The following TRPM4 variants were observed in gnomAD, a reference collection of about 807,000 sequenced individuals.
TRPM4 encodes the protein transient receptor potential cation channel subfamily M member 4.
TRPM4 carries 124 observed loss-of-function variants against 135.6 expected under a neutral mutation model. The ratio of observed to expected loss-of-function variants is 0.91; its 90% CI spans 0.79 to 1.06. TRPM4 has a LOEUF of 1.06. TRPM4 is among the 50% of genes least tolerant of loss of function. The probability of loss-of-function intolerance (pLI) is 0.00; values close to 1 mark genes in which losing one functional copy is unlikely to be tolerated. For missense variants in TRPM4, 1,658 were observed against 1,671.4 expected (o/e 0.99, Z 0.14); for synonymous variants, 745 against 705.6 (o/e 1.06, Z -0.88).
At chr19:49,173,067 T>G (rs1165596889) in intron 9 of TRPM4, among the ~76,000 whole-genome samples, 1 of 137,248 alleles carries the variant, frequency 7.3e-6, no homozygotes, top group Non-Finnish European at 1.6e-5. Context: ...CATCCACACA[T>G]CCACTGACAA....
chr19:49,210,545 G>A lies in TRPM4; in HGVS notation c.3328+140G>A. 7.1e-7 allele frequency: 1 copy of A among 1,417,156 alleles called. No individual in the cohort carries two copies. Among genetic ancestry groups the A allele is most frequent in the South Asian group, 1.2e-5 (1 of 83,680 alleles). The allele number at this position is 1,417,156 out of a possible 1,614,324, so 87.8% of individuals were successfully genotyped here. On this transcript the variant is annotated intron_variant, in intron 21 of 24. Transcript: ENST00000252826. This position sits in a 1 kb window ranked among gnomAD's most constrained non-coding sequence, Gnocchi z 4.1. ...CGGGGTTTAAGCAACAAGGGGCGGA[G>A]CTTAAGCACTGAGGGGCAGTGCTTA...
At chr19:49,195,041 C>T (rs971076125) in intron 16 of TRPM4, among the ~76,000 whole-genome samples, 5 of 151,704 alleles carry the variant, frequency 3.3e-5, no homozygotes, top group African/African-American at 1.2e-4. Flanking sequence ...GGATTTCAGG[C>T]TTGAGCTACC....
intron 20 of TRPM4, among the ~76,000 whole-genome samples, chr19:49,203,363 T>G (rs527305927): frequency 6.6e-6 from 1 of 151,608 alleles, no homozygotes; most frequent in South Asian, 2.1e-4. Flanking sequence ...GTATTTTTAG[T>G]AGAGATGGGG....
chr19:49,195,752 T>C (rs73048891), intron 16 of TRPM4, among the ~76,000 whole-genome samples: 11,186 of 150,922 alleles, frequency 0.074, 511 homozygotes, highest in East Asian at 0.17. Context: ...GGCATGTTCA[T>C]GGCTGACTGC....
intron 19 of TRPM4, 23 bp downstream of exon 19, chr19:49,200,808 A>T: frequency 4.3e-6 from 7 of 1,612,888 alleles, no homozygotes; most frequent in Non-Finnish European, 5.9e-6. Context: ...ACGGCCTGAC[A>T]GCCTTCCTCT....
chr19:49,182,126 AT>A (rs1568470371), intron 10 of TRPM4, among the ~76,000 whole-genome samples: 38 of 141,624 alleles, frequency 2.7e-4, no homozygotes, highest in East Asian at 6.3e-4. Context: ...CCATCCATCC[AT>A]CTGTCCATTC....
intron 10 of TRPM4, 98 bp from the exon 11 acceptor site, chr19:49,182,467 TCCATCCATCCATC>T: frequency 2.4e-6 from 1 of 415,894 alleles, no homozygotes; most frequent in Admixed American, 3.1e-5. Flanking sequence ...CATCCATCCA[TCCATCCATCCATC>T]CATCCATCCA....
rs114071963 is a variant in TRPM4, at chr19:49,203,614, T to A, written c.3131+1473T>A. On this transcript the variant is annotated intron_variant, in intron 20 of 24. Transcript: ENST00000252826. The stretch of plus-strand genomic sequence containing the variant: ...AAGTGTGTCCCCATGAAACAGCAAC[T>A]CCCCACTTCCCCTCCCCACAGGTCT... Among the ~76,000 whole-genome samples, 1,013 of 152,266 alleles carry A rather than the reference T, an allele frequency of 6.7e-3. 14 individuals carry two copies. Among genetic ancestry groups the A allele is most frequent in the African/African-American group, 0.023 (965 of 41,556 alleles).
At chr19:49,190,403 C>G in intron 15 of TRPM4, 83 bp downstream of exon 15, 1 of 1,211,266 alleles carries the variant, frequency 8.3e-7, no homozygotes, top group Non-Finnish European at 1.2e-6. Context: ...CACCTTTCTT[C>G]CCTCATCGGC....
rs748307155 is a variant in TRPM4, at chr19:49,196,518, CG to C, written c.2295del (p.Arg766AlafsTer15). On this transcript the variant is annotated frameshift_variant, in exon 17 of 25. Transcript: ENST00000252826. LOFTEE classifies it high-confidence loss of function. Reference protein sequence around the residue: ...GRPGCCGGRCGGRRCLRRWFH... With the variant: ...GRPGCCGGRCXGRRCLRRWFH... The stretch of plus-strand genomic sequence containing the variant: ...GTCCGGGTTGCTGCGGGGGCCGCTG[CG>C]GGGGGCGCCGGTGCCTACGCCGCTG... 1.3e-6 allele frequency: 2 copies of C among 1,550,584 alleles called. No individual in the cohort carries two copies.
rs563254528 is a variant in TRPM4, at chr19:49,189,749, A to G, written c.2020-459A>G. On this transcript the variant is annotated intron_variant, in intron 14 of 24. Transcript: ENST00000252826. ...AGTACAGGAAGTTGTGCCCAACAGG[A>G]AGTCCCATCCTCATCTGTTGGAATG... 9.2e-4 allele frequency among the ~76,000 whole-genome samples: 140 copies of G among 152,278 alleles called. 2 individuals are homozygous for G. In the South Asian group the frequency reaches 0.028, roughly 30 times the overall value.
intron 9 of TRPM4, among the ~76,000 whole-genome samples, chr19:49,174,144 TTG>T (rs148469205): frequency 4.0e-5 from 6 of 149,486 alleles, no homozygotes; most frequent in Non-Finnish European, 6.0e-5. Flanking sequence ...CAAGGAAAAG[TTG>T]TGTGTGTGTG....
At chr19:49,162,642 C>T (rs914236944) in intron 2 of TRPM4, among the ~76,000 whole-genome samples, 1 of 151,982 alleles carries the variant, frequency 6.6e-6, no homozygotes, top group African/African-American at 2.4e-5. Context: ...GAAGGAATGG[C>T]TCCTAGCACT....
At position 49,171,019 on chromosome 19, in the gene TRPM4, A is replaced by G; in HGVS notation, c.797-338A>G. On this transcript the variant is annotated intron_variant, in intron 6 of 24. Coordinates refer to ENST00000252826, the MANE Select transcript of TRPM4 (RefSeq NM_017636.4). The surrounding 1 kb of genome is among the most constrained non-coding windows in gnomAD (Gnocchi z 4.7). ...GATCAAGATGTAGTGAGGTGTGATC[A>G]TGCCCCTGCACTCTATCCTGGGCGA... is the stretch of plus-strand genomic sequence containing the variant. Among the ~76,000 whole-genome samples the G allele has an allele frequency of 6.6e-6, 1 of 151,998 alleles. No homozygotes were observed. Among genetic ancestry groups the G allele is most frequent in the East Asian group, 1.9e-4 (1 of 5,172 alleles).
chr19:49,210,889 A>T lies in TRPM4; in HGVS notation c.3461+47A>T. 7 of 1,580,580 alleles carry T rather than the reference A, an allele frequency of 4.4e-6. No homozygotes were observed. Among genetic ancestry groups the T allele is most frequent in the Non-Finnish European group, 5.1e-6 (6 of 1,166,278 alleles). ...GGATGGGGCTTCTGGCCTGGGGCGG[A>T]TCCTGACTTCAGCTGAAGGCAGGGT... On this transcript the variant is annotated intron_variant, in intron 22 of 24. Transcript: ENST00000252826. The surrounding 1 kb of genome is among the most constrained non-coding windows in gnomAD (Gnocchi z 4.1).
chr19:49,157,832 C>G lies in TRPM4; in HGVS notation c.-35C>G. 7 of 1,534,062 alleles carry G rather than the reference C, an allele frequency of 4.6e-6. No individual in the cohort carries two copies. Among genetic ancestry groups the G allele is most frequent in the Non-Finnish European group, 5.2e-6 (6 of 1,145,986 alleles). ...GAGCCGGCGGAGGGAGCGCCGGGGC[C>G]CTGGGCTGCAGGAGGTTGCGGCGGC... On this transcript the variant is annotated 5_prime_UTR_variant, in exon 1 of 25. Coordinates refer to ENST00000252826, the MANE Select transcript of TRPM4 (RefSeq NM_017636.4).
At chr19:49,201,882 T>G in intron 19 of TRPM4, 82 bp from the exon 20 acceptor site, 510 of 1,482,174 alleles carry the variant, frequency 3.4e-4, no homozygotes, top group Non-Finnish European at 4.4e-4. Context: ...ATTACAGGCG[T>G]GAGCCACCGC....
chr19:49,193,887 A>C (rs1600490887), intron 16 of TRPM4, among the ~76,000 whole-genome samples: 51 of 133,098 alleles, frequency 3.8e-4, no homozygotes, highest in African/African-American at 5.7e-4. Context: ...CCTCCTTGTC[A>C]TCCTCCTTCT....
In TRPM4 at chr19:49,168,408, C is replaced by T. The variant is rs749550167; in HGVS notation, c.597C>T (p.Thr199=). 6.2e-7 allele frequency: 1 copy of T among 1,613,962 alleles called. No individual in the cohort carries two copies. Among genetic ancestry groups the T allele is most frequent in the South Asian group, 1.1e-5 (1 of 91,074 alleles). ...APWGVVRNRD[T]LINPKGSFPA... ...GGGGTGTGGTCCGGAATAGAGACAC[C>T]CTCATCAACCCCAAGGTGTGACCCA... Residue 199 remains threonine (T), a synonymous_variant, in exon 5 of 25, where the codon ACC becomes ACT. Transcript: ENST00000252826.
Sources: gnomAD v4.1 joint callset for allele counts (sites outside exome capture counted in the v4.1 genomes callset) on GRCh38, gnomAD v4.1.1 for gene constraint, Gnocchi (gnomAD v3.1) non-coding constraint, MANE v1.5 for transcripts, NCBI Gene and HGNC (gene_info 2026-07-23, HGNC 2026-07-21) for gene names.